Variants in NAB1 observed in about 807,000 individuals in gnomAD.
NAB1 encodes the protein NGFI-A binding protein 1, also known as NGFI-A-binding protein 1.
In NAB1, 25 loss-of-function variants were observed where a neutral mutation model predicts 49.9. The ratio of observed to expected loss-of-function variants is 0.50; its 90% CI spans 0.37 to 0.70. The LOEUF (loss-of-function observed/expected upper bound fraction) is 0.70, where lower values mean the gene tolerates loss of function less well. Among genes scored for constraint, NAB1 ranks in the 30% least tolerant of loss-of-function variants. The probability of loss-of-function intolerance (pLI) is 0.00; values close to 1 mark genes in which losing one functional copy is unlikely to be tolerated. For missense variants in NAB1, 489 were observed against 575.9 expected (o/e 0.85, Z 1.54); for synonymous variants, 198 against 215.6 (o/e 0.92, Z 0.71).
chr2:190,689,282 T>G lies in NAB1; in HGVS notation c.1376-963T>G, dbSNP rs180781455. On this transcript the variant is annotated intron_variant, in intron 9 of 9. Coordinates refer to ENST00000337386, the MANE Select transcript of NAB1 (RefSeq NM_005966.4). This position sits in a 1 kb window ranked among gnomAD's most constrained non-coding sequence, Gnocchi z 4.3. The stretch of plus-strand genomic sequence containing the variant: ...GCTTCATTGGTAAAAGAGAAGTAAT[T>G]TCTACCTCGTAGGGTAGTTAGGAGG... Among the ~76,000 whole-genome samples the G allele has an allele frequency of 6.6e-6, 1 of 152,316 alleles. No individual in the cohort carries two copies. The highest frequency in any genetic ancestry group is 6.5e-5 in the Admixed American group (1 of 15,310).
In NAB1 at chr2:190,652,070, A is replaced by G. The variant is rs1288976289; in HGVS notation, c.-197+2088A>G. Among the ~76,000 whole-genome samples the G allele has an allele frequency of 1.3e-5, 2 of 152,340 alleles. No homozygotes were observed. The highest frequency in any genetic ancestry group is 2.9e-5 in the Non-Finnish European group (2 of 68,026). Reference sequence around the variant, plus strand: ...TGATCTGACATGTTCAATAACTCATACAACAGTAGAATATACTCCTTAAAC... The same window carrying G: ...TGATCTGACATGTTCAATAACTCATGCAACAGTAGAATATACTCCTTAAAC... On this transcript the variant is annotated intron_variant, in intron 2 of 9. Coordinates refer to ENST00000337386, the MANE Select transcript of NAB1 (RefSeq NM_005966.4). This position sits in a 1 kb window ranked among gnomAD's most constrained non-coding sequence, Gnocchi z 4.2.
chr2:190,672,182 A>G (rs574430856), intron 5 of NAB1, among the ~76,000 whole-genome samples: 2 of 152,178 alleles, frequency 1.3e-5, no homozygotes, highest in South Asian at 2.1e-4. Context: ...TTACGGCTGC[A>G]TGGTATTGAA....
At position 190,649,492 on chromosome 2, in the gene NAB1, G is replaced by A. The variant is rs919422481; in HGVS notation, c.-334+132G>A. On this transcript the variant is annotated intron_variant, in intron 1 of 9. Transcript: ENST00000337386. The surrounding 1 kb of genome is among the most constrained non-coding windows in gnomAD (Gnocchi z 6.1). Reference sequence around the variant, plus strand: ...GCGGGCACTTTGGGGGCGGTGTCCGGGGGAAGCGGGCTCCGCGCGGCCGCC... The same window carrying A: ...GCGGGCACTTTGGGGGCGGTGTCCGAGGGAAGCGGGCTCCGCGCGGCCGCC... 6.6e-6 allele frequency: 1 copy of A among 152,110 alleles called. No individual in the cohort carries two copies. The highest frequency in any genetic ancestry group is 2.4e-5 in the African/African-American group (1 of 41,412). The allele number at this position is 152,110 out of a possible 1,614,324, so 9.4% of individuals were successfully genotyped here. A position where few individuals can be genotyped will look rare whatever the true frequency, so the allele number is the denominator to read the frequency against.
At position 190,663,172 on chromosome 2, in the gene NAB1, T is replaced by C. The variant is rs138414245; in HGVS notation, c.819+3177T>C. 1.5e-3 allele frequency among the ~76,000 whole-genome samples: 224 copies of C among 152,344 alleles called. 9 individuals are homozygous for C. In the East Asian group the frequency reaches 0.04, roughly 27 times the overall value. ...CCTTCTGATGATTTTTAAAAATGAATTATGGTAGTCTATTTCTTGAGTCAA... is the reference window on the plus strand; with the variant it reads ...CCTTCTGATGATTTTTAAAAATGAACTATGGTAGTCTATTTCTTGAGTCAA... On this transcript the variant is annotated intron_variant, in intron 4 of 9. Coordinates refer to ENST00000337386, the MANE Select transcript of NAB1 (RefSeq NM_005966.4). This position sits in a 1 kb window ranked among gnomAD's most constrained non-coding sequence, Gnocchi z 4.2.
chr2:190,669,944 A>T lies in NAB1; in HGVS notation c.820-382A>T, dbSNP rs1237739581. 6.6e-6 allele frequency among the ~76,000 whole-genome samples: 1 copy of T among 152,202 alleles called. No homozygotes were observed. The highest frequency in any genetic ancestry group is 1.5e-5 in the Non-Finnish European group (1 of 68,038). On this transcript the variant is annotated intron_variant, in intron 4 of 9. Coordinates refer to ENST00000337386, the MANE Select transcript of NAB1 (RefSeq NM_005966.4). This position sits in a 1 kb window ranked among gnomAD's most constrained non-coding sequence, Gnocchi z 4.3. ...ATAAAAAATCTGTCAGACCATCTAC[A>T]TTCATTTTTGGTTAGAGAAATGGTG...
At chr2:190,673,307 C>CT in intron 6 of NAB1, 155 bp downstream of exon 6, 1 of 706,358 alleles carries the variant, frequency 1.4e-6, no homozygotes, top group Non-Finnish European at 2.4e-6. Flanking sequence ...ATTTTGTTAC[C>CT]TTGAAATACA....
At position 190,654,446 on chromosome 2, in the gene NAB1, G is replaced by A. The variant is rs1693821937; in HGVS notation, c.-196-1531G>A. Among the ~76,000 whole-genome samples, 1 of 152,224 alleles carries A rather than the reference G, an allele frequency of 6.6e-6. No individual in the cohort carries two copies. Among genetic ancestry groups the A allele is most frequent in the Admixed American group, 6.5e-5 (1 of 15,286 alleles). On this transcript the variant is annotated intron_variant, in intron 2 of 9. Transcript: ENST00000337386. This position sits in a 1 kb window ranked among gnomAD's most constrained non-coding sequence, Gnocchi z 5.6. ...AGGGAGATGACAGCTGCAGCCAGGG[G>A]TAGTGGGAAAGACATTTTGGGAAAG...
rs1047963136 is a variant in NAB1 at position 190,679,753 on chromosome 2, T to C, written c.1006-3985T>C. ...TTCCTAATGTGAAATGCCTAGATCA[T>C]ACCTTTCTCCTGCAAGTTCTTCCAG... On this transcript the variant is annotated intron_variant, in intron 6 of 9. Transcript: ENST00000337386. This position sits in a 1 kb window ranked among gnomAD's most constrained non-coding sequence, Gnocchi z 5.3. Among the ~76,000 whole-genome samples, 1 of 152,198 alleles carries C rather than the reference T, an allele frequency of 6.6e-6. No homozygotes were observed. The highest frequency in any genetic ancestry group is 1.5e-5 in the Non-Finnish European group (1 of 68,038).
chr2:190,662,540 C>G (rs1694280033), intron 4 of NAB1, among the ~76,000 whole-genome samples: 1 of 151,998 alleles, frequency 6.6e-6, no homozygotes, highest in African/African-American at 2.4e-5. Flanking sequence ...GGGACAAACC[C>G]AGAGGCGATA....
rs894510038 is a variant in NAB1, at chr2:190,675,240, G to A, written c.1005+2088G>A. ...TGTCTCTATCTATTTCTCACCATTG[G>A]CCCTAAGTGTGATCATGATTCAGGC... On this transcript the variant is annotated intron_variant, in intron 6 of 9. Coordinates refer to ENST00000337386, the MANE Select transcript of NAB1 (RefSeq NM_005966.4). This position sits in a 1 kb window ranked among gnomAD's most constrained non-coding sequence, Gnocchi z 5.2. Among the ~76,000 whole-genome samples the A allele has an allele frequency of 6.6e-6, 1 of 152,154 alleles. No homozygotes were observed. The highest frequency in any genetic ancestry group is 1.5e-5 in the Non-Finnish European group (1 of 68,020).
chr2:190,650,000 TATC>T lies in NAB1; in HGVS notation c.-197+21_-197+23del, dbSNP rs762477663. On this transcript the variant is annotated intron_variant, in intron 2 of 9. Coordinates refer to ENST00000337386, the MANE Select transcript of NAB1 (RefSeq NM_005966.4). This position sits in a 1 kb window ranked among gnomAD's most constrained non-coding sequence, Gnocchi z 6.1. ...ATATAGAGGTGTGTGTGTGTGACCT[TATC>T]ATGGAGAAACACTGAAAATACTATC... 4 of 152,196 alleles carry T rather than the reference TATC, an allele frequency of 2.6e-5. No homozygotes were observed. Among genetic ancestry groups the T allele is most frequent in the East Asian group, 3.9e-4 (2 of 5,192 alleles). The allele number at this position is 152,196 out of a possible 1,614,324, so 9.4% of individuals were successfully genotyped here.
In NAB1 at chr2:190,652,672, T is replaced by C. The variant is rs1693728434; in HGVS notation, c.-197+2690T>C. Among the ~76,000 whole-genome samples, 1 of 152,206 alleles carries C rather than the reference T, an allele frequency of 6.6e-6. No homozygotes were observed. The highest frequency in any genetic ancestry group is 1.5e-5 in the Non-Finnish European group (1 of 68,036). On this transcript the variant is annotated intron_variant, in intron 2 of 9. Coordinates refer to ENST00000337386, the MANE Select transcript of NAB1 (RefSeq NM_005966.4). This position sits in a 1 kb window ranked among gnomAD's most constrained non-coding sequence, Gnocchi z 4.2. ...CATTAGAAGGTATATATTTAATTCA[T>C]AGCTAAGATCCAGAAGTATCTTGAC...
Position 190,669,581 on chromosome 2 carries a change from TAAA to T in NAB1, c.820-741_820-739del, listed in dbSNP as rs1694698185. Among the ~76,000 whole-genome samples, 2 of 152,336 alleles carry T rather than the reference TAAA, an allele frequency of 1.3e-5. No individual in the cohort carries two copies. The highest frequency in any genetic ancestry group is 4.1e-4 in the South Asian group (2 of 4,826). ...TTGGCTAAGTACATCTTTTGCATAT[TAAA>T]AAAGTCTGATATACCTCTTGACAGT... On this transcript the variant is annotated intron_variant, in intron 4 of 9. Coordinates refer to ENST00000337386, the MANE Select transcript of NAB1 (RefSeq NM_005966.4). This position sits in a 1 kb window ranked among gnomAD's most constrained non-coding sequence, Gnocchi z 4.3.
rs914218609 is a variant in NAB1, at chr2:190,685,232, A to G, written c.1096-244A>G. ...AAGGTTATGTTGCTTTTGAGCTGAC[A>G]TGGAATTCTCTTGAAAGAATTGAGA... On this transcript the variant is annotated intron_variant, in intron 7 of 9. Transcript: ENST00000337386. This position sits in a 1 kb window ranked among gnomAD's most constrained non-coding sequence, Gnocchi z 4.5. Among the ~76,000 whole-genome samples, 7 of 152,246 alleles carry G rather than the reference A, an allele frequency of 4.6e-5. No individual in the cohort carries two copies. Among genetic ancestry groups the G allele is most frequent in the African/African-American group, 1.7e-4 (7 of 41,470 alleles).
Position 190,689,399 on chromosome 2 carries a change from C to T in NAB1, c.1376-846C>T, listed in dbSNP as rs916057539. 6.6e-6 allele frequency among the ~76,000 whole-genome samples: 1 copy of T among 152,112 alleles called. No homozygotes were observed. The highest frequency in any genetic ancestry group is 2.4e-5 in the African/African-American group (1 of 41,416). On this transcript the variant is annotated intron_variant, in intron 9 of 9. Coordinates refer to ENST00000337386, the MANE Select transcript of NAB1 (RefSeq NM_005966.4). The surrounding 1 kb of genome is among the most constrained non-coding windows in gnomAD (Gnocchi z 4.3). ...TAGCTACTTTTTTTTACTACTCTTA[C>T]GCGGAACTTAAAATCCCCTTCTGTT...
At position 190,684,221 on chromosome 2, in the gene NAB1, T is replaced by C. The variant is rs1310837449; in HGVS notation, c.1095+394T>C. On this transcript the variant is annotated intron_variant, in intron 7 of 9. Coordinates refer to ENST00000337386, the MANE Select transcript of NAB1 (RefSeq NM_005966.4). The surrounding 1 kb of genome is among the most constrained non-coding windows in gnomAD (Gnocchi z 4.6). ...AGTCAACATTGTAATTATTGTTAAA[T>C]CTTTTAAATTCATATTTATTGAAAA... Among the ~76,000 whole-genome samples, 1 of 152,222 alleles carries C rather than the reference T, an allele frequency of 6.6e-6. No individual in the cohort carries two copies. The highest frequency in any genetic ancestry group is 1.5e-5 in the Non-Finnish European group (1 of 68,044).
At position 190,670,532 on chromosome 2, in the gene NAB1, T is replaced by C; in HGVS notation, c.953+73T>C. The stretch of plus-strand genomic sequence containing the variant: ...TAGAGTTCGAAACATCATCTATTGA[T>C]AGAATATAAGCATTTCTGAAAAAGT... On this transcript the variant is annotated intron_variant, in intron 5 of 9. Coordinates refer to ENST00000337386, the MANE Select transcript of NAB1 (RefSeq NM_005966.4). This position sits in a 1 kb window ranked among gnomAD's most constrained non-coding sequence, Gnocchi z 5.3. The C allele has an allele frequency of 6.8e-7, 1 of 1,472,002 alleles. No individual in the cohort carries two copies. Among genetic ancestry groups the C allele is most frequent in the South Asian group, 1.2e-5 (1 of 82,888 alleles). The allele number at this position is 1,472,002 out of a possible 1,614,324, so 91.2% of individuals were successfully genotyped here.
chr2:190,691,206 C>G lies in NAB1; in HGVS notation c.*873C>G, dbSNP rs1695922198. On this transcript the variant is annotated 3_prime_UTR_variant, in exon 10 of 10. Coordinates refer to ENST00000337386, the MANE Select transcript of NAB1 (RefSeq NM_005966.4). This position sits in a 1 kb window ranked among gnomAD's most constrained non-coding sequence, Gnocchi z 4.1. Reference sequence around the variant, plus strand: ...AATAGATTAAGACACAGTAAGTTAACCCTACATGTTATAAAGATGGCGACT... The same window carrying G: ...AATAGATTAAGACACAGTAAGTTAAGCCTACATGTTATAAAGATGGCGACT... 2 of 152,492 alleles carry G rather than the reference C, an allele frequency of 1.3e-5. No individual in the cohort carries two copies. The highest frequency in any genetic ancestry group is 2.1e-4 in the South Asian group (1 of 4,828). The allele number at this position is 152,492 out of a possible 1,614,324, so 9.4% of individuals were successfully genotyped here.
chr2:190,658,566 CTT>C (rs1694050848), intron 3 of NAB1, among the ~76,000 whole-genome samples: 1 of 152,212 alleles, frequency 6.6e-6, no homozygotes, highest in East Asian at 1.9e-4. Flanking sequence ...TTCTCTACCT[CTT>C]CTTTCTTGAT....
Sources: allele counts gnomAD v4.1 joint callset (sites outside exome capture counted in the v4.1 genomes callset), GRCh38; gene constraint gnomAD v4.1.1; non-coding constraint Gnocchi (gnomAD v3.1); transcripts MANE v1.5; gene names NCBI Gene and HGNC (gene_info 2026-07-23, HGNC 2026-07-21).